PSD3: variants seen among roughly 807,000 people sequenced by gnomAD.
PSD3 encodes the protein PH and SEC7 domain-containing protein 3.
PSD3 carries 49 observed loss-of-function variants against 105.5 expected under a neutral mutation model. The ratio of observed to expected loss-of-function variants is 0.46; its 90% confidence interval spans 0.37 to 0.59. PSD3 has a LOEUF of 0.59. Among genes scored for constraint, PSD3 ranks in the 20% least tolerant of loss-of-function variants. PSD3 has a pLI of 0.00. For missense variants in PSD3, 1,561 were observed against 1,263.8 expected (o/e 1.24, Z -3.57); for synonymous variants, 557 against 457.8 (o/e 1.22, Z -2.77).
At chr8:18,960,858 G>T (rs11784962) in intron 1 of PSD3, among the ~76,000 whole-genome samples, 28,781 of 151,954 alleles carry the variant, frequency 0.19, 3,007 homozygotes, top group Non-Finnish European at 0.24. Flanking sequence ...GGCCAAGGGG[G>T]CAGATCACTT....
intron 1 of PSD3, among the ~76,000 whole-genome samples, chr8:19,055,128 C>G (rs1279244682): frequency 6.6e-6 from 1 of 152,178 alleles, no homozygotes; most frequent in Non-Finnish European, 1.5e-5. Flanking sequence ...GCCTTTGTTG[C>G]ATTAATCCAC....
chr8:18,969,083 T>C (rs899468182), intron 1 of PSD3, among the ~76,000 whole-genome samples: 1 of 152,186 alleles, frequency 6.6e-6, no homozygotes, highest in Non-Finnish European at 1.5e-5. Flanking sequence ...AAATATTCTT[T>C]TAAATCTTTA....
At chr8:18,931,990 A>G (rs947811884) in intron 2 of PSD3, among the ~76,000 whole-genome samples, 2 of 152,172 alleles carry the variant, frequency 1.3e-5, no homozygotes, top group Admixed American at 1.3e-4. Flanking sequence ...AAATTAATTC[A>G]TTCTCTTGAG....
chr8:18,806,023 G>A (rs1421190314), intron 4 of PSD3, among the ~76,000 whole-genome samples: 2 of 152,098 alleles, frequency 1.3e-5, no homozygotes, highest in East Asian at 1.9e-4. Flanking sequence ...TGTTTTTCCT[G>A]GAGACTACCA....
chr8:18,911,961 G>A (rs906272112), intron 2 of PSD3, among the ~76,000 whole-genome samples: 1 of 152,148 alleles, frequency 6.6e-6, no homozygotes, highest in Non-Finnish European at 1.5e-5. Context: ...TCCACAAACA[G>A]CCAAGTTAAG....
intron 2 of PSD3, among the ~76,000 whole-genome samples, chr8:18,918,056 T>A (rs911595510): frequency 6.6e-5 from 10 of 152,156 alleles, no homozygotes; most frequent in Non-Finnish European, 1.2e-4. Context: ...AAACCCTAAA[T>A]GTGGAGAATC....
intron 10 of PSD3, among the ~76,000 whole-genome samples, chr8:18,650,699 C>A (rs1034552260): frequency 1.3e-5 from 2 of 152,126 alleles, no homozygotes; most frequent in Non-Finnish European, 2.9e-5. Flanking sequence ...ATAGAGATTG[C>A]AGAATAGATG....
chr8:18,899,937 A>T (rs557037410), intron 2 of PSD3, among the ~76,000 whole-genome samples: 3 of 151,970 alleles, frequency 2.0e-5, no homozygotes, highest in Admixed American at 2.0e-4. Flanking sequence ...AAATCCTCGT[A>T]CTCACTTCCC....
intron 6 of PSD3, chr8:18,803,288 A>AG (rs1491280350): frequency 1.3e-4 from 3 of 23,608 alleles, no homozygotes; most frequent in Admixed American, 5.7e-4. Context: ...CTCTGTCTCC[A>AG]AAAAAAAAAA....
At chr8:19,075,504 A>T (rs1210905069) in intron 1 of PSD3, among the ~76,000 whole-genome samples, 1 of 152,236 alleles carries the variant, frequency 6.6e-6, no homozygotes, top group African/African-American at 2.4e-5. Context: ...TGAAATTCAC[A>T]CATGAACTCA....
intron 1 of PSD3, among the ~76,000 whole-genome samples, chr8:19,011,776 A>G (rs1826962385): frequency 6.6e-6 from 1 of 152,186 alleles, no homozygotes; most frequent in Non-Finnish European, 1.5e-5. Context: ...ATTTAAAAAA[A>G]AAAAAACAAC....
At chr8:18,764,464 T>C (rs1806801859) in intron 9 of PSD3, among the ~76,000 whole-genome samples, 1 of 152,196 alleles carries the variant, frequency 6.6e-6, no homozygotes, top group Non-Finnish European at 1.5e-5. Flanking sequence ...TTTCATAATT[T>C]CTTGTAATGT....
At chr8:18,821,731 G>C (rs530203565) in intron 4 of PSD3, among the ~76,000 whole-genome samples, 86 of 48,362 alleles carry the variant, frequency 1.8e-3, no homozygotes, top group Non-Finnish European at 3.7e-3. Flanking sequence ...CAATAACAAA[G>C]CTCCAATTCC....
intron 10 of PSD3, among the ~76,000 whole-genome samples, chr8:18,633,963 C>G (rs921361399): frequency 6.6e-6 from 1 of 151,586 alleles, no homozygotes; most frequent in African/African-American, 2.4e-5. Context: ...GCCATTCTGA[C>G]TGGTGTCAGA....
intron 10 of PSD3, among the ~76,000 whole-genome samples, chr8:18,645,548 T>C (rs1414283399): frequency 2.0e-5 from 3 of 152,250 alleles, no homozygotes; most frequent in Non-Finnish European, 2.9e-5. Flanking sequence ...TATACATATA[T>C]AGATTTAACC....
chr8:18,834,694 C>T (rs1813958597), intron 4 of PSD3, among the ~76,000 whole-genome samples: 3 of 152,016 alleles, frequency 2.0e-5, no homozygotes, highest in Admixed American at 2.0e-4. Context: ...CACACCAAAG[C>T]CAGGTAGAAT....
chr8:18,872,314 T>A lies in PSD3; in HGVS notation c.550A>T (p.Asn184Tyr), dbSNP rs377351044. The A allele has an allele frequency of 1.4e-5, 23 of 1,614,098 alleles. No homozygotes were observed. Among genetic ancestry groups the A allele is most frequent in the Non-Finnish European group, 1.9e-5 (23 of 1,180,032 alleles). ...TTTTGGCCAGCAGGGAGCGTTTTGTTGACTCTCTGTGTTTTACGACTGGCA... is the reference window on the plus strand; with the variant it reads ...TTTTGGCCAGCAGGGAGCGTTTTGTAGACTCTCTGTGTTTTACGACTGGCA... Reference protein sequence around the residue: ...DTASRKTQRVNKTLPAGQKNL... With the variant: ...DTASRKTQRVYKTLPAGQKNL... The change falls in exon 3 of 16, where the codon AAC becomes TAC. Residue 184 changes from asparagine to tyrosine, a missense_variant. Asn to Tyr is a moderately radical substitution (Grantham distance 143). Transcript: ENST00000327040.
intron 2 of PSD3, among the ~76,000 whole-genome samples, chr8:18,926,209 A>G (rs1392039018): frequency 6.6e-6 from 1 of 151,948 alleles, no homozygotes; most frequent in Non-Finnish European, 1.5e-5. Flanking sequence ...AATGAGGGTG[A>G]TGCCACACAA....
chr8:18,780,796 C>T lies in PSD3; in HGVS notation c.2083-15258G>A, dbSNP rs183676397. The stretch of plus-strand genomic sequence containing the variant: ...GTCTCAATCTCCTGACCTCATGATC[C>T]GCCTGCCTTGGCCTCCCAAAGTGCT... On this transcript the variant is annotated intron_variant, in intron 8 of 15. Coordinates refer to ENST00000327040, the MANE Select transcript of PSD3 (RefSeq NM_015310.4). Among the ~76,000 whole-genome samples, 290 of 152,182 alleles carry T rather than the reference C, an allele frequency of 1.9e-3. 1 individual carries two copies. The East Asian group carries it at 0.025, about 13-fold the overall frequency.
Sources: gnomAD v4.1 joint callset for allele counts (sites outside exome capture counted in the v4.1 genomes callset) on GRCh38, gnomAD v4.1.1 for gene constraint, MANE v1.5 for transcripts, NCBI Gene and HGNC (gene_info 2026-07-23, HGNC 2026-07-21) for gene names.